Variants in DPP10 observed in about 807,000 individuals in gnomAD.
DPP10 encodes inactive dipeptidyl peptidase 10.
Under a neutral mutation model 120.9 loss-of-function variants are expected in DPP10, and 33 were observed. That is an observed-to-expected ratio of 0.27 (90% CI 0.21 to 0.37). The LOEUF (loss-of-function observed/expected upper bound fraction) is 0.37, where lower values mean the gene tolerates loss of function less well. DPP10 is among the 10% of genes least tolerant of loss of function. The pLI is 1.00. For missense variants in DPP10, 816 were observed against 942.8 expected (o/e 0.87, Z 1.76); for synonymous variants, 337 against 326.1 (o/e 1.03, Z -0.36).
intron 1 of DPP10, among the ~76,000 whole-genome samples, chr2:114,883,458 C>G (rs963922015): frequency 2.0e-5 from 3 of 152,186 alleles, no homozygotes; most frequent in African/African-American, 7.2e-5. Context: ...AGCAGCTAGA[C>G]TTTTATTCTC....
chr2:114,451,377 A>T (rs1282193578), intron 1 of DPP10, among the ~76,000 whole-genome samples: 1 of 152,104 alleles, frequency 6.6e-6, no homozygotes, highest in African/African-American at 2.4e-5. Flanking sequence ...TTTGTTTTTG[A>T]AGAGCATGGC....
intron 5 of DPP10, among the ~76,000 whole-genome samples, chr2:115,676,468 T>A (rs1575500721): frequency 6.6e-6 from 1 of 152,024 alleles, no homozygotes; most frequent in Non-Finnish European, 1.5e-5. Context: ...CCAAAAAAAA[T>A]ATGATTTAGA....
rs189056808 is a variant in DPP10 at position 115,168,428 on chromosome 2, A to G, written c.61-140811A>G. On this transcript the variant is annotated intron_variant, in intron 1 of 25. Coordinates refer to ENST00000410059, the MANE Select transcript of DPP10 (RefSeq NM_020868.6). ...AAAGGGACTGTAAACTTCTTCATAA[A>G]CTTATATCCTTATGGATAGTTAGAA... is the stretch of plus-strand genomic sequence containing the variant. 5.0e-4 allele frequency among the ~76,000 whole-genome samples: 76 copies of G among 152,312 alleles called. No individual in the cohort carries two copies. In the East Asian group the frequency reaches 0.014, roughly 28 times the overall value.
chr2:114,860,452 G>C (rs1689724071), intron 1 of DPP10, among the ~76,000 whole-genome samples: 1 of 152,184 alleles, frequency 6.6e-6, no homozygotes, highest in East Asian at 1.9e-4. Flanking sequence ...ATTGGTGCTA[G>C]AGCCAAAATT....
intron 19 of DPP10, 25 bp from the exon 20 acceptor site, chr2:115,814,768 T>C (rs751563996): frequency 2.0e-6 from 3 of 1,479,192 alleles, no homozygotes; most frequent in Non-Finnish European, 1.8e-6. Context: ...GCTCTTGTTT[T>C]GGTCCAATAT....
intron 1 of DPP10, among the ~76,000 whole-genome samples, chr2:115,081,246 G>A (rs191079079): frequency 2.6e-5 from 4 of 152,148 alleles, no homozygotes; most frequent in Admixed American, 6.5e-5. Flanking sequence ...TCTGGGACTC[G>A]GATTACATTT....
At chr2:114,863,465 G>A (rs965695496) in intron 1 of DPP10, among the ~76,000 whole-genome samples, 15 of 152,120 alleles carry the variant, frequency 9.9e-5, no homozygotes. Flanking sequence ...GTGGTGGTGA[G>A]AGACTTACAG....
intron 1 of DPP10, among the ~76,000 whole-genome samples, chr2:115,242,655 C>T (rs994968961): frequency 2.6e-4 from 39 of 150,488 alleles, no homozygotes; most frequent in Non-Finnish European, 2.4e-4. Context: ...CATTTCACCA[C>T]ATCCATGCCA....
At chr2:115,762,796 C>T (rs1575708247) in intron 12 of DPP10, among the ~76,000 whole-genome samples, 186 bp downstream of exon 12, 1 of 152,082 alleles carries the variant, frequency 6.6e-6, no homozygotes, top group South Asian at 2.1e-4. Flanking sequence ...GAAAAGGTTA[C>T]TTCCATTTTT....
At chr2:115,797,798 T>C (rs149831961) in intron 19 of DPP10, among the ~76,000 whole-genome samples, 185 of 152,096 alleles carry the variant, frequency 1.2e-3, no homozygotes, top group South Asian at 1.7e-3. Flanking sequence ...CTTACCACTA[T>C]TTAAAGTTGT....
intron 5 of DPP10, among the ~76,000 whole-genome samples, chr2:115,647,432 C>A (rs886955360): frequency 6.6e-6 from 1 of 152,102 alleles, no homozygotes; most frequent in Non-Finnish European, 1.5e-5. Context: ...ACTAAACACT[C>A]TGCTAGGCCT....
rs114360964 is a variant in DPP10 at position 115,762,080 on chromosome 2, A to G, written c.1075-492A>G. On this transcript the variant is annotated intron_variant, in intron 11 of 25. Transcript: ENST00000410059. Reference sequence around the variant, plus strand: ...ATAATTTTGTCATTTCAAATGTTTGATATTTTTTCTCAAAGACTGAGTTAC... The same window carrying G: ...ATAATTTTGTCATTTCAAATGTTTGGTATTTTTTCTCAAAGACTGAGTTAC... 7.1e-3 allele frequency among the ~76,000 whole-genome samples: 1,080 copies of G among 152,288 alleles called. 6 individuals carry two copies. Among genetic ancestry groups the G allele is most frequent in the Middle Eastern group, 0.014 (4 of 294 alleles).
At chr2:115,745,521 C>T (rs552619034) in intron 9 of DPP10, among the ~76,000 whole-genome samples, 2 of 150,626 alleles carry the variant, frequency 1.3e-5, no homozygotes, top group Admixed American at 7.0e-5. Context: ...GTCAATTATG[C>T]AAATGAGTCA....
chr2:115,246,607 T>G (rs1007270614), intron 1 of DPP10, among the ~76,000 whole-genome samples: 1 of 152,042 alleles, frequency 6.6e-6, no homozygotes, highest in African/African-American at 2.4e-5. Context: ...GAGAAACAGA[T>G]GAGCAGTGTG....
intron 5 of DPP10, among the ~76,000 whole-genome samples, chr2:115,656,855 T>G (rs1277444177): frequency 6.6e-6 from 1 of 151,696 alleles, no homozygotes; most frequent in Non-Finnish European, 1.5e-5. Flanking sequence ...AAGTGCTTCT[T>G]TCTTACAGTT....
chr2:114,878,600 T>C (rs905794114), intron 1 of DPP10, among the ~76,000 whole-genome samples: 1 of 152,104 alleles, frequency 6.6e-6, no homozygotes, highest in Non-Finnish European at 1.5e-5. Flanking sequence ...ACACACTTTC[T>C]AGACTCCAGT....
intron 19 of DPP10, among the ~76,000 whole-genome samples, chr2:115,801,237 G>A (rs1422805273): frequency 1.3e-5 from 2 of 152,118 alleles, no homozygotes; most frequent in Admixed American, 6.5e-5. Context: ...CTCTCTGTTT[G>A]TCTGTTATTG....
At chr2:114,527,109 C>G (rs1685567976) in intron 1 of DPP10, among the ~76,000 whole-genome samples, 1 of 152,150 alleles carries the variant, frequency 6.6e-6, no homozygotes, top group South Asian at 2.1e-4. Context: ...GTGGTTACCT[C>G]TATCATAACT....
chr2:115,434,897 T>G, intron 3 of DPP10, among the ~76,000 whole-genome samples: 1 of 151,978 alleles, frequency 6.6e-6, no homozygotes, highest in East Asian at 1.9e-4. Context: ...AATCCACTTT[T>G]TTAGCTTCCA....
Sources: allele counts gnomAD v4.1 joint callset (sites outside exome capture counted in the v4.1 genomes callset), GRCh38; gene constraint gnomAD v4.1.1; transcripts MANE v1.5; gene names NCBI Gene and HGNC (gene_info 2026-07-23, HGNC 2026-07-21).